TUBG2: variants seen among roughly 807,000 people sequenced by gnomAD.
TUBG2 encodes the protein tubulin gamma 2, also known as tubulin gamma-2 chain.
TUBG2 carries 39 observed loss-of-function variants against 55.1 expected under a neutral mutation model. That is an observed-to-expected ratio of 0.71 (90% CI 0.55 to 0.93). The LOEUF (loss-of-function observed/expected upper bound fraction) is 0.93. Ranked by LOEUF, TUBG2 falls within the 40% of genes least tolerant of loss-of-function variation. The pLI, the probability that TUBG2 is intolerant of heterozygous loss-of-function variation, is 0.00. For missense variants in TUBG2, 358 were observed against 599.1 expected, an observed-to-expected ratio of 0.60 and a Z score of 4.20; for synonymous variants, 223 against 241.0, an observed-to-expected ratio of 0.93 and a Z score of 0.69.
In TUBG2 at chr17:42,663,436, A is replaced by G; in HGVS notation, c.539A>G (p.Asp180Gly). ...SVFPYQDEMS[D>G]VVVQPYNSLL... ...TTTCCCTACCAGGACGAGATGAGCG[A>G]CGTAGTGGTTCAGCCCTACAATTCA... The change falls in exon 6 of 11, where the codon GAC becomes GGC. Residue 180 changes from aspartate (D) to glycine (G), a missense_variant. Transcript: ENST00000251412. The G allele has an allele frequency of 6.2e-7, 1 of 1,614,116 alleles. No individual in the cohort carries two copies. The highest frequency in any genetic ancestry group is 8.5e-7 in the Non-Finnish European group (1 of 1,180,016).
At chr17:42,660,851 G>T in intron 4 of TUBG2, 144 bp downstream of exon 4, 1 of 682,504 alleles carries the variant, frequency 1.5e-6, no homozygotes, top group South Asian at 1.7e-5. Context: ...GGATATTGAG[G>T]TGAATAAGAT....
chr17:42,659,399 G>C lies in TUBG2; in HGVS notation c.-105G>C. 1 of 1,257,022 alleles carries C rather than the reference G, an allele frequency of 8.0e-7. No homozygotes were observed. Among genetic ancestry groups the C allele is most frequent in the Non-Finnish European group, 1.1e-6 (1 of 922,416 alleles). 77.9% of individuals were successfully genotyped at this position (1,257,022 alleles called of 1,614,324 possible). On this transcript the variant is annotated 5_prime_UTR_variant, in exon 1 of 11. Coordinates refer to ENST00000251412, the MANE Select transcript of TUBG2 (RefSeq NM_016437.3). ...AGACCGAGCATCCGCGTCAAGAGGCGAAGAGAGCGCGCGCTCCCCACGTCC... is the reference window on the plus strand; with the variant it reads ...AGACCGAGCATCCGCGTCAAGAGGCCAAGAGAGCGCGCGCTCCCCACGTCC...
chr17:42,665,353 CT>C (rs11309373), intron 6 of TUBG2, 122 bp from the exon 7 acceptor site: 1,154,016 of 1,283,016 alleles, frequency 0.9, 513,756 homozygotes, highest in African/African-American at 0.96. Context: ...GGCCTCAGTA[CT>C]TTTTTTTTTT....
intron 6 of TUBG2, among the ~76,000 whole-genome samples, chr17:42,663,766 A>C (rs1312022019): frequency 6.6e-6 from 1 of 152,038 alleles, no homozygotes; most frequent in African/African-American, 2.4e-5. Flanking sequence ...CAACATGAAG[A>C]AACCCCATCT....
chr17:42,664,669 G>A (rs189246642), intron 6 of TUBG2, among the ~76,000 whole-genome samples: 64 of 151,402 alleles, frequency 4.2e-4, no homozygotes, highest in South Asian at 1.5e-3. Context: ...CTCCCTCCAC[G>A]AGACTATAGG....
rs1279399985 is a variant in TUBG2, at chr17:42,660,717, T to C, written c.399+10T>C. On this transcript the variant is annotated intron_variant, in intron 4 of 10. Coordinates refer to ENST00000251412, the MANE Select transcript of TUBG2 (RefSeq NM_016437.3). ...AAGTGACAGTTTGGAGGTGAAGTTA[T>C]GGAGTGGGGGAAGGAATGGGCAGGG... 6.2e-7 allele frequency: 1 copy of C among 1,613,530 alleles called. No homozygotes were observed. The highest frequency in any genetic ancestry group is 1.7e-5 in the Admixed American group (1 of 59,962).
intron 4 of TUBG2, among the ~76,000 whole-genome samples, chr17:42,662,542 G>A (rs1447174241): frequency 1.3e-5 from 2 of 151,834 alleles, no homozygotes; most frequent in African/African-American, 4.8e-5. Context: ...GGAGGTAGAG[G>A]TTGCAGTGAG....
intron 1 of TUBG2, 90 bp from the exon 2 acceptor site, chr17:42,659,744 A>G (rs2052338791): frequency 1.3e-6 from 2 of 1,528,384 alleles, no homozygotes; most frequent in Non-Finnish European, 1.8e-6. Context: ...TCTTGGGTCC[A>G]CCCTCTGATC....
chr17:42,665,243 T>G (rs1019698739), intron 6 of TUBG2, among the ~76,000 whole-genome samples: 12 of 152,004 alleles, frequency 7.9e-5, no homozygotes, highest in African/African-American at 2.4e-4. Context: ...GAGACGGGGT[T>G]TCACCGTGTT....
At chr17:42,660,488 T>C (rs1043928344) in intron 3 of TUBG2, 151 bp from the exon 4 acceptor site, 1 of 1,286,986 alleles carries the variant, frequency 7.8e-7, no homozygotes, top group Non-Finnish European at 1.1e-6. Flanking sequence ...TCATTTGCAA[T>C]AGTAGCACTT....
rs1482278646 is a variant in TUBG2, at chr17:42,660,903, CG to C, written c.399+198del. 1.5e-4 allele frequency: 84 copies of C among 553,552 alleles called. 2 individuals carry two copies. In the Middle Eastern group the frequency reaches 2.6e-3, roughly 17 times the overall value. 34.3% of individuals were successfully genotyped at this position (553,552 alleles called of 1,614,324 possible). ...AGGAAGTCATAAATCTGAATGGCAC[CG>C]GCCCCTTAGGCATGAGTCATTCAGC... On this transcript the variant is annotated intron_variant, in intron 4 of 10. Coordinates refer to ENST00000251412, the MANE Select transcript of TUBG2 (RefSeq NM_016437.3).
At chr17:42,661,880 A>G (rs1183767384) in intron 4 of TUBG2, among the ~76,000 whole-genome samples, 3 of 152,234 alleles carry the variant, frequency 2.0e-5, no homozygotes, top group African/African-American at 7.2e-5. Flanking sequence ...AACAACCTGA[A>G]GCTTGTGTTG....
rs938542111 is a variant in TUBG2 at position 42,665,806 on chromosome 17, C to T, written c.822C>T (p.Thr274=). The T allele has an allele frequency of 1.9e-6, 3 of 1,614,094 alleles. No homozygotes were observed. The highest frequency in any genetic ancestry group is 4.5e-5 in the East Asian group (2 of 44,898). The change falls in exon 8 of 11, where the codon ACC becomes ACT. Residue 274 remains threonine (T), a synonymous_variant. Transcript: ENST00000251412. ...TCCACTTCCTCATGACCGGCTACAC[C>T]CCGCTCACTACAGACCAGTCAGTAA... is the stretch of plus-strand genomic sequence containing the variant. The part of the protein sequence containing the change: ...PRLHFLMTGY[T]PLTTDQSVAS...
rs935583562 is a variant in TUBG2 at position 42,666,893 on chromosome 17, C to T, written c.*93C>T. The stretch of plus-strand genomic sequence containing the variant: ...GACCCAGCTTCACCTCATGGACAAC[C>T]CTTCTTGGTTCATCTCCAGCCCGTG... On this transcript the variant is annotated 3_prime_UTR_variant, in exon 11 of 11. Coordinates refer to ENST00000251412, the MANE Select transcript of TUBG2 (RefSeq NM_016437.3). 8.6e-6 allele frequency: 12 copies of T among 1,398,836 alleles called. No individual in the cohort carries two copies. In the African/African-American group the frequency reaches 1.3e-4, roughly 15 times the overall value. The allele number at this position is 1,398,836 out of a possible 1,614,324, so 86.7% of individuals were successfully genotyped here.
At position 42,665,814 on chromosome 17, in the gene TUBG2, C is replaced by T; in HGVS notation, c.830C>T (p.Thr277Ile). The T allele has an allele frequency of 6.2e-7, 1 of 1,614,240 alleles. No homozygotes were observed. The highest frequency in any genetic ancestry group is 8.5e-7 in the Non-Finnish European group (1 of 1,180,018). ...CTCATGACCGGCTACACCCCGCTCA[C>T]TACAGACCAGTCAGTAAGAGCAGCC... is the stretch of plus-strand genomic sequence containing the variant. ...HFLMTGYTPL[T>I]TDQSVASVRK... The change falls in exon 8 of 11, where the codon ACT (threonine) becomes ATT (isoleucine). Residue 277 changes from threonine to isoleucine, a missense_variant. Around this residue, in one of 8 missense-constraint regions of TUBG2, gnomAD observed 129 missense variants for 251.6 expected, o/e 0.51. Coordinates refer to ENST00000251412, the MANE Select transcript of TUBG2 (RefSeq NM_016437.3).
In TUBG2 at chr17:42,660,668, C is replaced by A. The variant is rs1597769425; in HGVS notation, c.360C>A (p.Asp120Glu). The A allele has an allele frequency of 3.7e-6, 6 of 1,614,088 alleles. No homozygotes were observed. The highest frequency in any genetic ancestry group is 5.1e-6 in the Non-Finnish European group (6 of 1,180,012). Reference protein sequence around the residue: ...QGEKIHEDIFDIIDREADGSD... With the variant: ...QGEKIHEDIFEIIDREADGSD... ...AGAAAATTCATGAAGACATCTTTGACATCATAGACCGAGAAGCAGATGGAA... is the reference window on the plus strand; with the variant it reads ...AGAAAATTCATGAAGACATCTTTGAAATCATAGACCGAGAAGCAGATGGAA... The change falls in exon 4 of 11, where the codon GAC becomes GAA. Residue 120 changes from aspartate (D) to glutamate (E), a missense_variant. Coordinates refer to ENST00000251412, the MANE Select transcript of TUBG2 (RefSeq NM_016437.3).
chr17:42,665,639 C>T, intron 7 of TUBG2, 39 bp from the exon 8 acceptor site: 2 of 1,614,148 alleles, frequency 1.2e-6, no homozygotes. Context: ...GAAGGTCCCA[C>T]CCAGGCCGAG....
At chr17:42,663,600 G>A (rs1205124565) in intron 6 of TUBG2, 97 bp downstream of exon 6, 3 of 1,484,772 alleles carry the variant, frequency 2.0e-6, no homozygotes, top group East Asian at 2.3e-5. Context: ...TTGAGCTCAG[G>A]AGTTCAATAC....
intron 1 of TUBG2, 69 bp from the exon 2 acceptor site, chr17:42,659,765 C>CT (rs904384574): frequency 1.2e-5 from 19 of 1,590,534 alleles, no homozygotes; most frequent in Non-Finnish European, 1.6e-5. Flanking sequence ...GTGTCAGCCT[C>CT]TGAGACTAAA....
Sources: gnomAD v4.1 joint callset for allele counts (sites outside exome capture counted in the v4.1 genomes callset) on GRCh38, gnomAD v4.1.1 for gene constraint, gnomAD v4.1.1 regional missense constraint, MANE v1.5 for transcripts, NCBI Gene and HGNC (gene_info 2026-07-23, HGNC 2026-07-21) for gene names.